IDH3A: variants seen among roughly 807,000 people sequenced by gnomAD.
The protein encoded by IDH3A is isocitrate dehydrogenase [NAD] subunit alpha, mitochondrial.
IDH3A carries 23 observed loss-of-function variants against 43.3 expected under a neutral mutation model. The ratio of observed to expected loss-of-function variants is 0.53; its 90% CI spans 0.38 to 0.75. IDH3A has a LOEUF of 0.75. Among genes scored for constraint, IDH3A ranks in the 30% least tolerant of loss-of-function variants. The pLI, the probability that IDH3A is intolerant of heterozygous loss-of-function variation, is 0.00. For synonymous variants in IDH3A, 154 were observed against 163.5 expected (o/e 0.94, Z 0.44); for missense variants, 329 against 474.4 (o/e 0.69, Z 2.85).
chr15:78,160,283 T>A, intron 4 of IDH3A, 77 bp downstream of exon 4: 1 of 789,922 alleles, frequency 1.3e-6, no homozygotes. Context: ...TTTATGCATT[T>A]AAACTGAATA....
intron 6 of IDH3A, among the ~76,000 whole-genome samples, chr15:78,162,594 G>A (rs2141298659): frequency 6.9e-6 from 1 of 144,002 alleles, no homozygotes; most frequent in Admixed American, 7.2e-5. Flanking sequence ...TGCCCAGGCT[G>A]GAGTGCAGTG....
At chr15:78,163,686 T>A (rs2074707148) in intron 7 of IDH3A, 30 bp from the exon 8 acceptor site, 1 of 1,598,862 alleles carries the variant, frequency 6.3e-7, no homozygotes, top group East Asian at 2.2e-5. Flanking sequence ...CAGATTTTGA[T>A]TACTAAATGC....
intron 8 of IDH3A, among the ~76,000 whole-genome samples, 173 bp downstream of exon 8, chr15:78,163,953 C>T (rs922219810): frequency 6.6e-6 from 1 of 152,128 alleles, no homozygotes; most frequent in Admixed American, 6.5e-5. Flanking sequence ...TGTTGGGTGG[C>T]TTGTTCCTTC....
intron 10 of IDH3A, chr15:78,168,296 T>C (rs996513340): frequency 1.3e-5 from 2 of 151,924 alleles, no homozygotes; most frequent in African/African-American, 4.8e-5. Flanking sequence ...AATATTTCTT[T>C]CGTATTTGTG....
chr15:78,163,975 A>G (rs896506689), intron 8 of IDH3A, among the ~76,000 whole-genome samples, 195 bp downstream of exon 8: 8 of 152,200 alleles, frequency 5.3e-5, no homozygotes, highest in African/African-American at 1.9e-4. Context: ...TTGATTTGCC[A>G]AATCATTGCT....
In IDH3A at chr15:78,162,376, C is replaced by T; in HGVS notation, c.611+9C>T. 6.2e-7 allele frequency: 1 copy of T among 1,613,084 alleles called. No individual in the cohort carries two copies. Among genetic ancestry groups the T allele is most frequent in the Non-Finnish European group, 8.5e-7 (1 of 1,179,334 alleles). ...CACAAAGCCAACATCATGTGAGCTC[C>T]TTGCGGGGGCCGGCACCCCATCTTG... On this transcript the variant is annotated intron_variant, in intron 6 of 10. Coordinates refer to ENST00000299518, the MANE Select transcript of IDH3A (RefSeq NM_005530.3).
In IDH3A at chr15:78,166,267, G is replaced by A. The variant is rs139916777; in HGVS notation, c.982G>A (p.Glu328Lys). Reference protein sequence around the residue: ...MGLFDHAARIEAACFATIKDG... With the variant: ...MGLFDHAARIKAACFATIKDG... ...ACTTTTTGACCATGCTGCAAGAATTGAGGCTGCGTGTTTTGCTACAATTAA... is the reference window on the plus strand; with the variant it reads ...ACTTTTTGACCATGCTGCAAGAATTAAGGCTGCGTGTTTTGCTACAATTAA... The change falls in exon 10 of 11, where the codon GAG becomes AAG. Residue 328 changes from glutamate to lysine, a missense_variant. Coordinates refer to ENST00000299518, the MANE Select transcript of IDH3A (RefSeq NM_005530.3). 93 of 1,614,190 alleles carry A rather than the reference G, an allele frequency of 5.8e-5. No individual in the cohort carries two copies. The East Asian group carries it at 2.0e-3, about 34-fold the overall frequency.
chr15:78,157,746 G>A (rs933821744), intron 3 of IDH3A, 115 bp downstream of exon 3: 2 of 664,250 alleles, frequency 3.0e-6, no homozygotes, highest in Non-Finnish European at 5.2e-6. Flanking sequence ...ATTTAGTCAG[G>A]TCTGTTGTTA....
At chr15:78,157,507 A>G (rs879798844) in intron 2 of IDH3A, 41 bp from the exon 3 acceptor site, 5 of 1,460,828 alleles carry the variant, frequency 3.4e-6, no homozygotes, top group Non-Finnish European at 4.7e-6. Flanking sequence ...CTTCAAAAAC[A>G]AAAATTCTTA....
intron 3 of IDH3A, among the ~76,000 whole-genome samples, chr15:78,158,054 TA>T (rs1475416024): frequency 6.6e-6 from 1 of 152,188 alleles, no homozygotes; most frequent in Non-Finnish European, 1.5e-5. Context: ...TGTGGATCTT[TA>T]AGTCCTGCTT....
Position 78,160,147 on chromosome 15 carries a change from A to G in IDH3A, c.230A>G (p.Lys77Arg). 4.3e-6 allele frequency: 7 copies of G among 1,613,900 alleles called. No individual in the cohort carries two copies. The highest frequency in any genetic ancestry group is 5.9e-6 in the Non-Finnish European group (7 of 1,179,788). ...NVTAIQGPGG[K>R]WMIPSEAKES... ...ACTGCCATTCAAGGACCTGGAGGAA[A>G]GTGGATGATCCCTTCAGAGGCTAAA... Residue 77 changes from lysine (K) to arginine (R), a missense_variant, in exon 4 of 11, where the codon AAG becomes AGG. Transcript: ENST00000299518.
At chr15:78,152,354 G>A (rs2074584372) in intron 1 of IDH3A, among the ~76,000 whole-genome samples, 1 of 128,194 alleles carries the variant, frequency 7.8e-6, no homozygotes, top group Non-Finnish European at 1.6e-5. Flanking sequence ...CACTGCGCCC[G>A]GCCTTTTTTT....
intron 1 of IDH3A, 141 bp from the exon 2 acceptor site, chr15:78,155,072 C>T (rs2074612933): frequency 1.9e-6 from 1 of 513,190 alleles, no homozygotes; most frequent in Admixed American, 3.6e-5. Context: ...TGAGCTAATA[C>T]ATGAGATTTG....
intron 1 of IDH3A, among the ~76,000 whole-genome samples, chr15:78,149,674 G>T (rs926483584): frequency 1.3e-5 from 2 of 152,132 alleles, no homozygotes; most frequent in Non-Finnish European, 2.9e-5. Flanking sequence ...AGGTCAAGGC[G>T]GGGGGGCGCC....
In IDH3A at chr15:78,157,933, G is replaced by T. The variant is rs573927603; in HGVS notation, c.174+302G>T. Among the ~76,000 whole-genome samples, 97 of 151,864 alleles carry T rather than the reference G, an allele frequency of 6.4e-4. 1 individual carries two copies. Among genetic ancestry groups the T allele is most frequent in the African/African-American group, 2.3e-3 (94 of 41,416 alleles). ...CCACCTTCACCTCCCAAAGTGCTTG[G>T]ATTATAGGCGTGAGCCACCGCACCT... On this transcript the variant is annotated intron_variant, in intron 3 of 10. Coordinates refer to ENST00000299518, the MANE Select transcript of IDH3A (RefSeq NM_005530.3).
chr15:78,169,708 G>A lies in IDH3A; in HGVS notation c.*703G>A, dbSNP rs554715362. 6.6e-6 allele frequency: 1 copy of A among 152,310 alleles called. No homozygotes were observed. The highest frequency in any genetic ancestry group is 1.9e-4 in the East Asian group (1 of 5,194). 9.4% of individuals were successfully genotyped at this position (152,310 alleles called of 1,614,324 possible). A position where few individuals can be genotyped will look rare whatever the true frequency, so the allele number is the denominator to read the frequency against. On this transcript the variant is annotated 3_prime_UTR_variant, in exon 11 of 11. Coordinates refer to ENST00000299518, the MANE Select transcript of IDH3A (RefSeq NM_005530.3). ...GTGTTCAATTATTTTGTTGTCTTGA[G>A]ATTTAATATTCTTTCCAAGAGCTTT... is the stretch of plus-strand genomic sequence containing the variant.
intron 6 of IDH3A, among the ~76,000 whole-genome samples, chr15:78,162,803 C>T (rs1229649336): frequency 6.6e-6 from 1 of 152,158 alleles, no homozygotes. Flanking sequence ...GCCTTGGGCT[C>T]CCAAAGTGCT....
chr15:78,157,264 GA>G lies in IDH3A; in HGVS notation c.91-281del, dbSNP rs986322909. ...TTGTCTGAAAAGAAATATCAATTAG[GA>G]AATCTACTTGGTAGTTTAATTTATT... is the stretch of plus-strand genomic sequence containing the variant. On this transcript the variant is annotated intron_variant, in intron 2 of 10. Coordinates refer to ENST00000299518, the MANE Select transcript of IDH3A (RefSeq NM_005530.3). 6.6e-5 allele frequency: 54 copies of G among 820,084 alleles called. No homozygotes were observed. The African/African-American group carries it at 8.6e-4, about 13-fold the overall frequency. The allele number at this position is 820,084 out of a possible 1,614,324, so 50.8% of individuals were successfully genotyped here.
Position 78,149,388 on chromosome 15 carries a change from G to C in IDH3A, c.-16G>C. 6.5e-7 allele frequency: 1 copy of C among 1,541,302 alleles called. No homozygotes were observed. On this transcript the variant is annotated 5_prime_UTR_variant, in exon 1 of 11. Transcript: ENST00000299518. ...CTGCCGCTGCGGCTGTTGCTGCGGAGCCAGGAGGGGAAGCGATGGCTGGGC... is the reference window on the plus strand; with the variant it reads ...CTGCCGCTGCGGCTGTTGCTGCGGACCCAGGAGGGGAAGCGATGGCTGGGC...
Sources: gnomAD v4.1 joint callset for allele counts (sites outside exome capture counted in the v4.1 genomes callset) on GRCh38, gnomAD v4.1.1 for gene constraint, MANE v1.5 for transcripts, NCBI Gene and HGNC (gene_info 2026-07-23, HGNC 2026-07-21) for gene names.